Variants in ZNF140 observed in about 807,000 individuals in gnomAD.
The protein encoded by ZNF140 is zinc finger protein 140.
Under a neutral mutation model 12.9 loss-of-function variants are expected in ZNF140, and 13 were observed. The ratio of observed to expected loss-of-function variants is 1.01; its 90% CI spans 0.66 to 1.60. The LOEUF is 1.60. ZNF140 is among the 40% of genes most tolerant of loss of function. The pLI is 0.00. For synonymous variants in ZNF140, 214 were observed against 186.7 expected, an observed-to-expected ratio of 1.15 and a Z score of -1.19; for missense variants, 531 against 548.8, an observed-to-expected ratio of 0.97 and a Z score of 0.32.
intron 4 of ZNF140, among the ~76,000 whole-genome samples, chr12:133,096,315 G>A (rs1955124890): frequency 6.6e-6 from 1 of 151,948 alleles, no homozygotes; most frequent in Non-Finnish European, 1.5e-5. Context: ...ACACGTTTTT[G>A]TGAGCTCCAG....
At chr12:133,092,767 G>A (rs1218088555) in intron 4 of ZNF140, among the ~76,000 whole-genome samples, 1 of 151,230 alleles carries the variant, frequency 6.6e-6, no homozygotes, top group Non-Finnish European at 1.5e-5. Context: ...GTGAACATGA[G>A]TGGGCCTGGC....
intron 4 of ZNF140, among the ~76,000 whole-genome samples, chr12:133,100,082 A>G (rs1955281751): frequency 6.7e-6 from 1 of 149,566 alleles, no homozygotes; most frequent in South Asian, 2.1e-4. Flanking sequence ...GAAAATGCAG[A>G]TAGTATTGAA....
chr12:133,086,411 A>G (rs1269788805), intron 4 of ZNF140, among the ~76,000 whole-genome samples: 2 of 152,252 alleles, frequency 1.3e-5, no homozygotes, highest in Admixed American at 1.3e-4. Flanking sequence ...TTGTCAGGCC[A>G]TTAATAAAGT....
intron 4 of ZNF140, chr12:133,093,502 A>T: frequency 1.4e-6 from 1 of 699,046 alleles, no homozygotes; most frequent in South Asian, 1.5e-5. Context: ...TTCTTTTGTA[A>T]GTTGTAAGTA....
rs369123708 is a variant in ZNF140, at chr12:133,095,780, C to G, written c.233-9730C>G. On this transcript the variant is annotated intron_variant, in intron 4 of 4. Transcript: ENST00000355557. ...ATTAGGTTTAAGGGAAGGTACTATG[C>G]CTGGATGTGCACGTAATCCAGATTT... Among the ~76,000 whole-genome samples the G allele has an allele frequency of 7.3e-5, 11 of 151,466 alleles. No individual in the cohort carries two copies. In the South Asian group the frequency reaches 1.0e-3, roughly 14 times the overall value.
rs1593739769 is a variant in ZNF140 at position 133,083,174 on chromosome 12, A to G, written c.81A>G (p.Gln27=). 2.5e-6 allele frequency: 4 copies of G among 1,614,216 alleles called. No individual in the cohort carries two copies. The highest frequency in any genetic ancestry group is 2.5e-6 in the Non-Finnish European group (3 of 1,180,036). ...AGTGGAAATGGCTTCAGCCTGCTCA[A>G]AGAGATTTGTACAGATGTGTAATGT... The part of the protein sequence containing the change: ...QEEWKWLQPA[Q]RDLYRCVMLE... Residue 27 remains glutamine (Q), a synonymous_variant, in exon 3 of 5, where the codon CAA becomes CAG. Transcript: ENST00000355557.
chr12:133,099,340 C>T (rs1383796436), intron 4 of ZNF140, among the ~76,000 whole-genome samples: 1 of 151,960 alleles, frequency 6.6e-6, no homozygotes, highest in Non-Finnish European at 1.5e-5. Context: ...CCACGTCCGG[C>T]TAATTTTTGT....
rs765762134 is a variant in ZNF140 at position 133,106,044 on chromosome 12, G to A, written c.767G>A (p.Arg256His). The A allele has an allele frequency of 3.5e-5, 57 of 1,614,072 alleles. No individual in the cohort carries two copies. Among genetic ancestry groups the A allele is most frequent in the Non-Finnish European group, 4.2e-5 (49 of 1,180,012 alleles). The change falls in exon 5 of 5, where the codon CGT becomes CAT. Residue 256 changes from arginine to histidine, a missense_variant. Transcript: ENST00000355557. ...ACTGAGTGTGGAAAGGCCTTTAGCCGTGCCTCCAACCTCACTCGACATCAA... is the reference window on the plus strand; with the variant it reads ...ACTGAGTGTGGAAAGGCCTTTAGCCATGCCTCCAACCTCACTCGACATCAA... ...ECTECGKAFS[R>H]ASNLTRHQRI...
rs1566327905 is a variant in ZNF140 at position 133,106,576 on chromosome 12, G to A, written c.1299G>A (p.Arg433=). 2.5e-6 allele frequency: 4 copies of A among 1,613,556 alleles called. No individual in the cohort carries two copies. Among genetic ancestry groups the A allele is most frequent in the Non-Finnish European group, 2.5e-6 (3 of 1,179,930 alleles). Reference sequence around the variant, plus strand: ...GCTCAAACCTTGCTAAACATCAGAGGACACACACTCTTGACAACCCCTATG... The same window carrying A: ...GCTCAAACCTTGCTAAACATCAGAGAACACACACTCTTGACAACCCCTATG... ...SWSSNLAKHQ[R]THTLDNPYEY... is the part of the protein sequence containing the mutation. Residue 433 remains arginine, a synonymous_variant, in exon 5 of 5, where the codon AGG becomes AGA. Coordinates refer to ENST00000355557, the MANE Select transcript of ZNF140 (RefSeq NM_003440.4).
chr12:133,081,244 C>G, intron 1 of ZNF140, 29 bp from the exon 2 acceptor site: 2 of 1,346,538 alleles, frequency 1.5e-6, no homozygotes, highest in East Asian at 2.6e-5. Flanking sequence ...CTGGCCTGTT[C>G]GCTCAGGGCT....
chr12:133,092,062 CCA>C (rs1954910714), intron 4 of ZNF140, among the ~76,000 whole-genome samples: 1 of 151,084 alleles, frequency 6.6e-6, no homozygotes. Flanking sequence ...TCTGAGAATT[CCA>C]CAGTCTTGAG....
At position 133,096,019 on chromosome 12, in the gene ZNF140, T is replaced by C. The variant is rs570635275; in HGVS notation, c.233-9491T>C. ...TCAACTGCAAGAGGCTTTCCTCTTT[T>C]ACCAATCCACCTCAGCACAGACCCT... On this transcript the variant is annotated intron_variant, in intron 4 of 4. Coordinates refer to ENST00000355557, the MANE Select transcript of ZNF140 (RefSeq NM_003440.4). Among the ~76,000 whole-genome samples, 91 of 151,170 alleles carry C rather than the reference T, an allele frequency of 6.0e-4. 1 individual carries two copies. Among genetic ancestry groups the C allele is most frequent in the African/African-American group, 2.0e-3 (81 of 41,354 alleles).
At chr12:133,103,286 A>T (rs1211700385) in intron 4 of ZNF140, among the ~76,000 whole-genome samples, 1 of 152,164 alleles carries the variant, frequency 6.6e-6, no homozygotes, top group Non-Finnish European at 1.5e-5. Context: ...ATCTAACAAT[A>T]ACATCTTACC....
chr12:133,093,818 C>T (rs1204755347), intron 4 of ZNF140, among the ~76,000 whole-genome samples: 1 of 151,034 alleles, frequency 6.6e-6, no homozygotes, highest in South Asian at 2.1e-4. Context: ...CTCTCTCACA[C>T]ACTTTATCTC....
Position 133,095,688 on chromosome 12 carries a change from A to C in ZNF140, c.233-9822A>C, listed in dbSNP as rs962844385. On this transcript the variant is annotated intron_variant, in intron 4 of 4. Coordinates refer to ENST00000355557, the MANE Select transcript of ZNF140 (RefSeq NM_003440.4). ...TTATTTCAGCAAAAAGGAATGTAGT[A>C]GGAGAGCAGGGTGATAATAAGGAGA... 5.3e-5 allele frequency among the ~76,000 whole-genome samples: 8 copies of C among 151,980 alleles called. No individual in the cohort carries two copies. The South Asian group carries it at 1.3e-3, about 24-fold the overall frequency.
intron 4 of ZNF140, among the ~76,000 whole-genome samples, chr12:133,090,207 G>A (rs1182606606): frequency 6.6e-6 from 1 of 152,056 alleles, no homozygotes; most frequent in African/African-American, 2.4e-5. Flanking sequence ...TGCCACAATC[G>A]TAGCTCACTG....
At chr12:133,095,739 A>T (rs371978583) in intron 4 of ZNF140, among the ~76,000 whole-genome samples, 3,222 of 148,168 alleles carry the variant, frequency 0.022, 3 homozygotes, top group Non-Finnish European at 0.027. Flanking sequence ...ATGTGAGCAA[A>T]AGAATCTATG....
At chr12:133,096,109 TC>T (rs1955110073) in intron 4 of ZNF140, among the ~76,000 whole-genome samples, 2 of 151,732 alleles carry the variant, frequency 1.3e-5, no homozygotes, top group African/African-American at 4.8e-5. Flanking sequence ...TTTCAGACTA[TC>T]ACATGGGGAG....
Position 133,093,064 on chromosome 12 carries a change from T to C in ZNF140, c.232+9503T>C, listed in dbSNP as rs116195370. Among the ~76,000 whole-genome samples the C allele has an allele frequency of 8.9e-3, 1,350 of 151,292 alleles. 40 individuals carry two copies. The highest frequency in any genetic ancestry group is 0.014 in the Non-Finnish European group (958 of 67,848). Reference sequence around the variant, plus strand: ...TGGTGGCATTGACAGTAGGTACTTATACCAACCAATTTTGGATTGTAGGCA... The same window carrying C: ...TGGTGGCATTGACAGTAGGTACTTACACCAACCAATTTTGGATTGTAGGCA... On this transcript the variant is annotated intron_variant, in intron 4 of 4. Coordinates refer to ENST00000355557, the MANE Select transcript of ZNF140 (RefSeq NM_003440.4).
Sources: gnomAD v4.1 joint callset for allele counts (sites outside exome capture counted in the v4.1 genomes callset) on GRCh38, gnomAD v4.1.1 for gene constraint, MANE v1.5 for transcripts, NCBI Gene and HGNC (gene_info 2026-07-23, HGNC 2026-07-21) for gene names.